The following PDE7B variants were observed in gnomAD, a reference collection of about 807,000 sequenced individuals.
PDE7B encodes the protein 3',5'-cyclic-AMP phosphodiesterase 7B.
PDE7B carries 29 observed loss-of-function variants against 56.2 expected under a neutral mutation model. That is an observed-to-expected ratio of 0.52 (90% confidence interval 0.38 to 0.70). PDE7B has a LOEUF of 0.70. Ranked by LOEUF, PDE7B falls within the 30% of genes least tolerant of loss-of-function variation. The pLI is 0.00. For missense variants in PDE7B, 490 were observed against 565.0 expected (o/e 0.87, Z 1.35); for synonymous variants, 197 against 196.9 (o/e 1.00, Z 0.00).
intron 3 of PDE7B, among the ~76,000 whole-genome samples, chr6:136,143,269 C>T (rs1004338247): frequency 2.0e-5 from 3 of 151,776 alleles, no homozygotes; most frequent in African/African-American, 7.3e-5. Context: ...CTTATAATCC[C>T]AGTATTTATG....
chr6:136,031,666 G>C (rs941895151), intron 2 of PDE7B, among the ~76,000 whole-genome samples: 2 of 149,140 alleles, frequency 1.3e-5, no homozygotes, highest in Non-Finnish European at 3.0e-5. Flanking sequence ...GTGAACCCGG[G>C]AGGCGGAGCT....
chr6:135,986,728 C>T (rs375056218), intron 2 of PDE7B, among the ~76,000 whole-genome samples: 2 of 152,192 alleles, frequency 1.3e-5, no homozygotes, highest in Non-Finnish European at 2.9e-5. Context: ...ATTAGTGTTA[C>T]TTTCTTCAAC....
At chr6:136,087,224 C>T (rs1777308444) in intron 2 of PDE7B, among the ~76,000 whole-genome samples, 1 of 152,160 alleles carries the variant, frequency 6.6e-6, no homozygotes, top group African/African-American at 2.4e-5. Context: ...AACATGAACA[C>T]ATCCAAGTGA....
chr6:136,009,821 G>A (rs1775857424), intron 2 of PDE7B, among the ~76,000 whole-genome samples: 1 of 151,902 alleles, frequency 6.6e-6, no homozygotes, highest in Non-Finnish European at 1.5e-5. Context: ...TGAATAAATT[G>A]TGTTTATTTG....
At chr6:135,999,101 A>G (rs975059985) in intron 2 of PDE7B, among the ~76,000 whole-genome samples, 1 of 152,232 alleles carries the variant, frequency 6.6e-6, no homozygotes, top group Admixed American at 6.5e-5. Context: ...TAGAGGAATC[A>G]GAGAACTTCA....
intron 2 of PDE7B, among the ~76,000 whole-genome samples, chr6:135,987,344 C>G (rs945892712): frequency 1.3e-5 from 2 of 152,140 alleles, no homozygotes; most frequent in African/African-American, 4.8e-5. Context: ...ACCCTCTGGA[C>G]TCTGTATTGA....
chr6:136,107,483 G>A (rs1777665226), intron 2 of PDE7B, among the ~76,000 whole-genome samples: 1 of 152,214 alleles, frequency 6.6e-6, no homozygotes. Flanking sequence ...GTACCAGACA[G>A]CATTCAAAGT....
intron 3 of PDE7B, among the ~76,000 whole-genome samples, chr6:136,117,671 C>G (rs1777862629): frequency 6.6e-6 from 1 of 152,184 alleles, no homozygotes; most frequent in African/African-American, 2.4e-5. Context: ...GCCACCATAA[C>G]AGCTCTAGTC....
At chr6:136,006,517 AATG>A (rs894591475) in intron 2 of PDE7B, among the ~76,000 whole-genome samples, 3 of 152,116 alleles carry the variant, frequency 2.0e-5, no homozygotes, top group Non-Finnish European at 2.9e-5. Flanking sequence ...TGGCCATTTC[AATG>A]ATATTGATTC....
chr6:135,958,762 A>G (rs1774846289), intron 2 of PDE7B, among the ~76,000 whole-genome samples: 1 of 152,112 alleles, frequency 6.6e-6, no homozygotes. Flanking sequence ...TTTTCTTACC[A>G]GGAGATCCAT....
chr6:135,877,002 C>T (rs1306350498), intron 1 of PDE7B, among the ~76,000 whole-genome samples: 1 of 151,932 alleles, frequency 6.6e-6, no homozygotes, highest in African/African-American at 2.4e-5. Context: ...GTCTAAAATA[C>T]TTTTGCTTCA....
chr6:136,118,508 C>A (rs1777875822), intron 3 of PDE7B, among the ~76,000 whole-genome samples: 1 of 152,168 alleles, frequency 6.6e-6, no homozygotes, highest in African/African-American at 2.4e-5. Context: ...TCCCCATAAA[C>A]ACCCTATAAA....
At chr6:136,039,916 C>T (rs2128209842) in intron 2 of PDE7B, among the ~76,000 whole-genome samples, 1 of 152,296 alleles carries the variant, frequency 6.6e-6, no homozygotes, top group East Asian at 1.9e-4. Flanking sequence ...GATTAAAATT[C>T]ATATTACAAA....
intron 2 of PDE7B, among the ~76,000 whole-genome samples, chr6:136,086,370 T>C (rs1218115943): frequency 2.0e-5 from 3 of 148,876 alleles, no homozygotes; most frequent in Non-Finnish European, 4.5e-5. Flanking sequence ...TTTTTTGGGG[T>C]GGGGGGGATT....
At chr6:136,134,587 C>T (rs900587262) in intron 3 of PDE7B, among the ~76,000 whole-genome samples, 1 of 151,746 alleles carries the variant, frequency 6.6e-6, no homozygotes, top group Non-Finnish European at 1.5e-5. Flanking sequence ...TTTTGAAAAA[C>T]GTTTCGATTG....
chr6:136,191,082 T>C (rs1291138880), intron 12 of PDE7B, among the ~76,000 whole-genome samples: 4 of 149,350 alleles, frequency 2.7e-5, no homozygotes, highest in Admixed American at 2.7e-4. Flanking sequence ...CAGTATTCAC[T>C]GGGAGTTTAC....
At chr6:135,895,942 G>C (rs1404411381) in intron 1 of PDE7B, among the ~76,000 whole-genome samples, 3 of 152,048 alleles carry the variant, frequency 2.0e-5, no homozygotes, top group Non-Finnish European at 4.4e-5. Context: ...CTGCCCCAAG[G>C]GTTCCTTCTT....
intron 2 of PDE7B, among the ~76,000 whole-genome samples, chr6:136,052,617 G>GCACCC (rs1776650248): frequency 7.0e-6 from 1 of 142,794 alleles, no homozygotes; most frequent in Non-Finnish European, 1.5e-5. Flanking sequence ...TTAGGGTACA[G>GCACCC]CCCCCCCCCA....
chr6:135,939,246 T>C (rs931195369), intron 1 of PDE7B, among the ~76,000 whole-genome samples: 1 of 152,212 alleles, frequency 6.6e-6, no homozygotes, highest in Non-Finnish European at 1.5e-5. Flanking sequence ...TTGGCAACAA[T>C]GGATTTGTGT....
Sources: allele counts gnomAD v4.1 joint callset (sites outside exome capture counted in the v4.1 genomes callset), GRCh38; gene constraint gnomAD v4.1.1; transcripts MANE v1.5; gene names NCBI Gene and HGNC (gene_info 2026-07-23, HGNC 2026-07-21).